GGT1: variants seen among roughly 807,000 people sequenced by gnomAD.
GGT1 encodes the protein gamma-glutamyltransferase 1.
GGT1 carries 21 observed loss-of-function variants against 56.0 expected under a neutral mutation model. The ratio of observed to expected loss-of-function variants is 0.38; its 90% CI spans 0.27 to 0.54. The LOEUF is 0.54. Ranked by LOEUF, GGT1 falls within the 20% of genes least tolerant of loss-of-function variation. The pLI is 0.82. For synonymous variants in GGT1, 238 were observed against 342.6 expected (o/e 0.69, Z 3.37); for missense variants, 466 against 787.0 (o/e 0.59, Z 4.88).
intron 11 of GGT1, 188 bp downstream of exon 11, chr22:24,624,104 G>A: frequency 1.0e-6 from 1 of 985,460 alleles, no homozygotes; most frequent in Middle Eastern, 5.2e-4. Flanking sequence ...CTGCCGCACA[G>A]AACTGACAGT....
At chr22:24,624,028 A>G (rs1331896657) in intron 11 of GGT1, 112 bp downstream of exon 11, 6 of 1,541,776 alleles carry the variant, frequency 3.9e-6, no homozygotes, top group Non-Finnish European at 5.3e-6. Flanking sequence ...CATTCCTGCC[A>G]CAGACTTCGA....
Position 24,628,620 on chromosome 22 carries a change from C to T in GGT1, c.1564-73C>T. On this transcript the variant is annotated intron_variant, in intron 15 of 15. Coordinates refer to ENST00000400382, the MANE Select transcript of GGT1 (RefSeq NM_001288833.2). The surrounding 1 kb of genome is among the most constrained non-coding windows in gnomAD (Gnocchi z 5.7). ...GAAATGGCACCACCTGGGCTGAGGC[C>T]TGTGACCACACAGATGTGGTTCAGG... 1 of 1,610,848 alleles carries T rather than the reference C, an allele frequency of 6.2e-7. No individual in the cohort carries two copies. Among genetic ancestry groups the T allele is most frequent in the Non-Finnish European group, 8.5e-7 (1 of 1,179,794 alleles).
At position 24,620,384 on chromosome 22, in the gene GGT1, C is replaced by T. The variant is rs750317020; in HGVS notation, c.439C>T (p.Arg147Trp). Residue 147 changes from arginine to tryptophan, a missense_variant, in exon 8 of 16, where the codon CGG (arginine) becomes TGG (tryptophan). Transcript: ENST00000400382. The surrounding 1 kb of genome is among the most constrained non-coding windows in gnomAD (Gnocchi z 5.6). ...EIRGYELAHQRHGRLPWARLF... is the reference protein window; with the variant it reads ...EIRGYELAHQWHGRLPWARLF... Reference sequence around the variant, plus strand: ...CCGAGGCTATGAGCTGGCACACCAGCGGCATGGGCGGCTGCCCTGGGCTCG... The same window carrying T: ...CCGAGGCTATGAGCTGGCACACCAGTGGCATGGGCGGCTGCCCTGGGCTCG... The T allele has an allele frequency of 1.2e-5, 19 of 1,611,412 alleles. No homozygotes were observed. Among genetic ancestry groups the T allele is most frequent in the South Asian group, 6.6e-5 (6 of 90,978 alleles).
the GGT1 span, among the ~76,000 whole-genome samples, chr22:24,584,755 C>G: frequency 6.6e-6 from 1 of 152,018 alleles, no homozygotes; most frequent in Non-Finnish European, 1.5e-5. Context: ...TGGCTTAGCA[C>G]ATGACTTCCC....
chr22:24,593,004 C>A, upstream of GGT1: 1 of 1,126,998 alleles, frequency 8.9e-7, no homozygotes, highest in Non-Finnish European at 1.1e-6. Flanking sequence ...CAGAGCCAGC[C>A]TCGGGCCCGG....
At chr22:24,627,377 C>CCCCCAGG in intron 11 of GGT1, 55 bp from the exon 12 acceptor site, 12 of 812,778 alleles carry the variant, frequency 1.5e-5, no homozygotes, top group Middle Eastern at 3.6e-4. Flanking sequence ...GAGACCTGTG[C>CCCCCAGG]CCCCTCCCCA....
At chr22:24,589,528 A>T in the GGT1 span, 1 of 456,534 alleles carries the variant, frequency 2.2e-6, no homozygotes, top group Non-Finnish European at 3.4e-6. Context: ...ACTTCTGCCC[A>T]GCTATAGTCT....
At chr22:24,595,958 AAAG>A (rs1369045958) in intron 1 of GGT1, among the ~76,000 whole-genome samples, 10 of 152,224 alleles carry the variant, frequency 6.6e-5, no homozygotes, top group Admixed American at 5.2e-4. Context: ...TAGCCACTGT[AAAG>A]AAGGACACAG....
chr22:24,594,564 C>G (rs1253654794), upstream of GGT1, among the ~76,000 whole-genome samples: 1 of 152,104 alleles, frequency 6.6e-6, no homozygotes. Flanking sequence ...AGGCAGAGGA[C>G]AGCAGGATGT....
At chr22:24,626,561 G>C (rs1266777195) in intron 11 of GGT1, among the ~76,000 whole-genome samples, 1 of 151,712 alleles carries the variant, frequency 6.6e-6, no homozygotes, top group Non-Finnish European at 1.5e-5. Flanking sequence ...CCAAAATCAA[G>C]CTCCTGACCA....
rs766059068 is a variant in GGT1, at chr22:24,623,832, G to T, written c.936G>T (p.Thr312=). The T allele has an allele frequency of 2.5e-5, 41 of 1,611,742 alleles. No homozygotes were observed. The highest frequency in any genetic ancestry group is 2.5e-5 in the Non-Finnish European group (29 of 1,179,838). Residue 312 remains threonine (T), a synonymous_variant, in exon 11 of 16, where the codon ACG becomes ACT. Coordinates refer to ENST00000400382, the MANE Select transcript of GGT1 (RefSeq NM_001288833.2). ...SVESPEQKGL[T]YHRIVEAFRF... The stretch of plus-strand genomic sequence containing the variant: ...AGAGCCCCGAGCAGAAGGGCCTGAC[G>T]TACCACCGCATCGTAGAGGCTTTCC...
chr22:24,605,083 GTATATTATATAATATGTATTATATTA>G (rs1245719560), intron 1 of GGT1, among the ~76,000 whole-genome samples: 4,880 of 16,012 alleles, frequency 0.3, 847 homozygotes, highest in African/African-American at 0.37. Flanking sequence ...AATATATAAA[GTATATTATATAATATGTATTATATTA>G]TATATTATAT....
At chr22:24,597,968 C>T (rs2045722651) in intron 1 of GGT1, 1 of 152,220 alleles carries the variant, frequency 6.6e-6, no homozygotes, top group South Asian at 2.1e-4. Context: ...ATCTGACTAA[C>T]TGGCTTCTAG....
At chr22:24,612,374 A>C (rs1196713496) in intron 5 of GGT1, among the ~76,000 whole-genome samples, 1 of 150,954 alleles carries the variant, frequency 6.6e-6, no homozygotes, top group African/African-American at 2.4e-5. Context: ...ACATATGTAC[A>C]TATGTACACA....
At chr22:24,602,874 C>G (rs538278256), upstream of GGT1, among the ~76,000 whole-genome samples, 34 of 152,318 alleles carry the variant, frequency 2.2e-4, 1 homozygote, top group South Asian at 6.6e-3. Flanking sequence ...GGGCATCTGG[C>G]TGCAGCCCAG....
At chr22:24,586,515 A>G in the GGT1 span, 1 of 1,208,908 alleles carries the variant, frequency 8.3e-7, no homozygotes, top group Non-Finnish European at 1.2e-6. Flanking sequence ...CAGTCTGGCA[A>G]AGCCAGATTC....
the GGT1 span, chr22:24,585,854 A>G: frequency 6.5e-7 from 1 of 1,531,992 alleles, no homozygotes; most frequent in Non-Finnish European, 8.8e-7. Flanking sequence ...GAGCATCACA[A>G]GTCAGTAGCA....
the GGT1 span, among the ~76,000 whole-genome samples, chr22:24,584,577 C>T: frequency 1.3e-5 from 2 of 152,122 alleles, no homozygotes; most frequent in Non-Finnish European, 2.9e-5. Flanking sequence ...GGGATGGATG[C>T]GCCGCTTACA....
In GGT1 at chr22:24,613,081, T is replaced by A. The variant is rs1371997501; in HGVS notation, c.165-1695T>A. Among the ~76,000 whole-genome samples, 4 of 152,182 alleles carry A rather than the reference T, an allele frequency of 2.6e-5. No homozygotes were observed. In the East Asian group the frequency reaches 7.7e-4, roughly 29 times the overall value. Reference sequence around the variant, plus strand: ...AGACTTAAACAGAAAAAATATTATGTTTTTCATATTTTGAGACAGGGTCTT... The same window carrying A: ...AGACTTAAACAGAAAAAATATTATGATTTTCATATTTTGAGACAGGGTCTT... On this transcript the variant is annotated intron_variant, in intron 5 of 15. Transcript: ENST00000400382.
Sources: gnomAD v4.1 joint callset for allele counts (sites outside exome capture counted in the v4.1 genomes callset) on GRCh38, gnomAD v4.1.1 for gene constraint, Gnocchi (gnomAD v3.1) non-coding constraint, MANE v1.5 for transcripts, NCBI Gene and HGNC (gene_info 2026-07-23, HGNC 2026-07-21) for gene names.